Variants in PTPRK observed in about 807,000 individuals in gnomAD.
PTPRK encodes the protein protein tyrosine phosphatase receptor type K.
PTPRK carries 75 observed loss-of-function variants against 178.0 expected under a neutral mutation model. The ratio of observed to expected loss-of-function variants is 0.42; its 90% CI spans 0.35 to 0.51. The LOEUF (loss-of-function observed/expected upper bound fraction) is 0.51, where lower values mean the gene tolerates loss of function less well. PTPRK is among the 20% of genes least tolerant of loss of function. PTPRK has a pLI of 0.02. For synonymous variants in PTPRK, 637 were observed against 620.6 expected (o/e 1.03, Z -0.39); for missense variants, 1,441 against 1,797.8 (o/e 0.80, Z 3.59).
rs2114677879 is a variant in PTPRK, at chr6:127,996,924, T to G, written c.2744A>C (p.Asn915Thr). 1 of 1,611,196 alleles carries G rather than the reference T, an allele frequency of 6.2e-7. No homozygotes were observed. The highest frequency in any genetic ancestry group is 1.7e-4 in the Middle Eastern group (1 of 5,968). Residue 915 changes from asparagine to threonine, a missense_variant, in exon 17 of 30, where the codon AAC (asparagine) becomes ACC (threonine). By Grantham distance (65) the Asn-to-Thr change is moderately conservative (BLOSUM62 0). Transcript: ENST00000368226. ...ACATGCTATAATGTTTCCATATCGG[T>G]TTTTTGCTCTATTTTGATCTTTTTT... ...VAKKDQNRAK[N>T]RYGNIIAYDH...
chr6:128,375,228 C>T (rs1379461913), intron 2 of PTPRK, among the ~76,000 whole-genome samples: 4 of 151,728 alleles, frequency 2.6e-5, no homozygotes. Flanking sequence ...TGTTTTCATG[C>T]TGCTGATAAA....
At chr6:128,483,340 C>A (rs1416990491) in intron 1 of PTPRK, among the ~76,000 whole-genome samples, 1 of 152,012 alleles carries the variant, frequency 6.6e-6, no homozygotes, top group Non-Finnish European at 1.5e-5. Context: ...TTTTTTCTAG[C>A]AACTTGCTTT....
intron 6 of PTPRK, among the ~76,000 whole-genome samples, chr6:128,193,229 C>G (rs9491922): frequency 8.9e-6 from 1 of 112,264 alleles, no homozygotes; most frequent in African/African-American, 3.5e-5. Context: ...AGAACACATT[C>G]TAAGCAACTG....
chr6:128,339,398 C>A (rs1442458958), intron 2 of PTPRK, among the ~76,000 whole-genome samples: 2 of 152,106 alleles, frequency 1.3e-5, no homozygotes, highest in African/African-American at 4.8e-5. Flanking sequence ...CACCTCTTGA[C>A]CCTCACTAAA....
intron 11 of PTPRK, 24 bp downstream of exon 11, chr6:128,078,789 A>T: frequency 6.5e-7 from 1 of 1,534,996 alleles, no homozygotes; most frequent in Non-Finnish European, 9.0e-7. Flanking sequence ...ATAAGGCAGA[A>T]CTACTGTAGT....
chr6:128,223,148 C>A (rs150429646), intron 5 of PTPRK, among the ~76,000 whole-genome samples: 1 of 151,034 alleles, frequency 6.6e-6, no homozygotes, highest in African/African-American at 2.5e-5. Flanking sequence ...GGTTTCATGT[C>A]TCATTTATAT....
At chr6:128,095,527 C>G (rs999713080) in intron 7 of PTPRK, among the ~76,000 whole-genome samples, 2 of 152,042 alleles carry the variant, frequency 1.3e-5, no homozygotes, top group Admixed American at 1.3e-4. Context: ...TTCATTGGCC[C>G]AACCAGAAAC....
At chr6:128,464,227 G>C (rs1231653524) in intron 1 of PTPRK, among the ~76,000 whole-genome samples, 2 of 152,010 alleles carry the variant, frequency 1.3e-5, no homozygotes, top group East Asian at 1.9e-4. Flanking sequence ...CTAAACAGTT[G>C]CTTCAACAGA....
At chr6:128,445,155 G>C (rs1846780680) in intron 1 of PTPRK, among the ~76,000 whole-genome samples, 1 of 135,240 alleles carries the variant, frequency 7.4e-6, no homozygotes, top group Admixed American at 7.0e-5. Flanking sequence ...AGGAGTTGGA[G>C]ACCAGCTGAG....
chr6:128,301,226 A>G (rs1002940801), intron 3 of PTPRK, among the ~76,000 whole-genome samples: 1 of 152,214 alleles, frequency 6.6e-6, no homozygotes, highest in Admixed American at 6.6e-5. Context: ...GTCCAACTGT[A>G]AAAAATTTCA....
At chr6:128,245,201 G>A (rs1056728791) in intron 3 of PTPRK, among the ~76,000 whole-genome samples, 2 of 152,072 alleles carry the variant, frequency 1.3e-5, no homozygotes, top group Non-Finnish European at 2.9e-5. Flanking sequence ...GGTGAAGCCG[G>A]GAATGGCCTG....
At chr6:128,164,599 A>G (rs546045238) in intron 7 of PTPRK, among the ~76,000 whole-genome samples, 169 of 151,488 alleles carry the variant, frequency 1.1e-3, no homozygotes, top group Non-Finnish European at 1.9e-3. Flanking sequence ...AAGGTTTTAA[A>G]AAACACAGAA....
intron 13 of PTPRK, among the ~76,000 whole-genome samples, chr6:128,033,649 A>C (rs1164316316): frequency 6.6e-6 from 1 of 152,122 alleles, no homozygotes; most frequent in African/African-American, 2.4e-5. Flanking sequence ...GGGTGAGAGG[A>C]TTGCTTGAGC....
intron 1 of PTPRK, among the ~76,000 whole-genome samples, chr6:128,509,873 C>G (rs1380754926): frequency 6.6e-6 from 1 of 152,098 alleles, no homozygotes; most frequent in African/African-American, 2.4e-5. Flanking sequence ...GCCCCTTCAC[C>G]TCATTCATAT....
chr6:128,509,882 A>T (rs1376096686), intron 1 of PTPRK, among the ~76,000 whole-genome samples: 2 of 152,068 alleles, frequency 1.3e-5, no homozygotes, highest in Admixed American at 1.3e-4. Context: ...CCTCATTCAT[A>T]TATTTCCTGA....
At chr6:128,317,546 T>C (rs1350484503) in intron 3 of PTPRK, among the ~76,000 whole-genome samples, 2 of 152,174 alleles carry the variant, frequency 1.3e-5, no homozygotes, top group African/African-American at 2.4e-5. Context: ...ACAGGTAGTA[T>C]TGCTTGAAAG....
chr6:127,980,968 A>T (rs1322984656), intron 25 of PTPRK, 148 bp downstream of exon 25: 1 of 756,482 alleles, frequency 1.3e-6, no homozygotes, highest in African/African-American at 1.8e-5. Context: ...ACCTAAAATC[A>T]TTTTCCAAAA....
intron 1 of PTPRK, among the ~76,000 whole-genome samples, chr6:128,425,271 G>A (rs770534631): frequency 2.0e-5 from 3 of 151,902 alleles, no homozygotes; most frequent in Non-Finnish European, 2.9e-5. Context: ...TAGAGTTGGG[G>A]TTTCACCATG....
intron 2 of PTPRK, among the ~76,000 whole-genome samples, chr6:128,352,599 C>G (rs912410387): frequency 6.6e-6 from 1 of 152,122 alleles, no homozygotes; most frequent in Non-Finnish European, 1.5e-5. Context: ...TAAAGTGCCA[C>G]GTACTCTCAT....
Sources: allele counts gnomAD v4.1 joint callset (sites outside exome capture counted in the v4.1 genomes callset), GRCh38; gene constraint gnomAD v4.1.1; transcripts MANE v1.5; gene names NCBI Gene and HGNC (gene_info 2026-07-23, HGNC 2026-07-21).